MEIS1: variants seen among roughly 807,000 people sequenced by gnomAD.
MEIS1 encodes Meis homeobox 1.
In MEIS1, 5 loss-of-function variants were observed where a neutral mutation model predicts 50.8. The ratio of observed to expected loss-of-function variants is 0.10; its 90% CI spans 0.05 to 0.21. The LOEUF is 0.21. Among genes scored for constraint, MEIS1 ranks in the 10% least tolerant of loss-of-function variants. The pLI is 1.00. For missense variants in MEIS1, 318 were observed against 517.3 expected, an observed-to-expected ratio of 0.61 and a Z score of 3.74; for synonymous variants, 176 against 179.3, an observed-to-expected ratio of 0.98 and a Z score of 0.15.
In MEIS1 at chr2:66,569,082, A is replaced by G; in HGVS notation, c.1147A>G (p.Met383Val). The change falls in exon 12 of 13, where the codon ATG (methionine) becomes GTG (valine). Residue 383 changes from methionine to valine, a missense_variant. By Grantham distance (21) the Met-to-Val change is conservative. Transcript: ENST00000272369. ...PMSGMGMNMGMEGQWHYM is the reference protein window; with the variant it reads ...PMSGMGMNMGVEGQWHYM ...GAGTGGAATGGGCATGAATATGGGC[A>G]TGGAGGGGCAGTGGCACTACATGTA... 1.2e-6 allele frequency: 2 copies of G among 1,613,782 alleles called. No homozygotes were observed. The highest frequency in any genetic ancestry group is 1.7e-6 in the Non-Finnish European group (2 of 1,179,822).
intron 6 of MEIS1, chr2:66,443,304 T>C: frequency 2.2e-6 from 1 of 450,152 alleles, no homozygotes; most frequent in South Asian, 3.4e-5. Context: ...GCTTTTAATT[T>C]TTGTCTTTAT....
intron 6 of MEIS1, among the ~76,000 whole-genome samples, chr2:66,458,349 A>C (rs1672442748): frequency 6.6e-6 from 1 of 152,168 alleles, no homozygotes; most frequent in Non-Finnish European, 1.5e-5. Context: ...GGTGAAAATA[A>C]GATCAGTTTG....
intron 7 of MEIS1, among the ~76,000 whole-genome samples, chr2:66,511,450 A>G (rs1354756417): frequency 6.6e-6 from 1 of 152,118 alleles, no homozygotes. Context: ...AATTTTAGAA[A>G]CTGCCTGAAT....
chr2:66,535,899 G>A (rs536713070), intron 8 of MEIS1, among the ~76,000 whole-genome samples: 1 of 152,190 alleles, frequency 6.6e-6, no homozygotes, highest in African/African-American at 2.4e-5. Context: ...AAACTGAAGT[G>A]CATGGTGCAC....
intron 8 of MEIS1, among the ~76,000 whole-genome samples, chr2:66,522,840 G>C (rs1271567152): frequency 6.6e-6 from 1 of 152,210 alleles, no homozygotes; most frequent in African/African-American, 2.4e-5. Context: ...TGACCGCATA[G>C]GAAGTAGCTG....
At chr2:66,542,227 T>G (rs990550226) in intron 8 of MEIS1, among the ~76,000 whole-genome samples, 1 of 152,124 alleles carries the variant, frequency 6.6e-6, no homozygotes, top group Admixed American at 6.5e-5. Context: ...TGACAAAAAC[T>G]CAGTAGAAGT....
At chr2:66,564,878 CT>C (rs976187194) in intron 9 of MEIS1, among the ~76,000 whole-genome samples, 3 of 151,870 alleles carry the variant, frequency 2.0e-5, no homozygotes, top group African/African-American at 7.3e-5. Flanking sequence ...CCCCCTCCCC[CT>C]GTAATTGTTG....
At chr2:66,546,905 A>C (rs185573868) in intron 8 of MEIS1, among the ~76,000 whole-genome samples, 1 of 152,282 alleles carries the variant, frequency 6.6e-6, no homozygotes, top group East Asian at 1.9e-4. Context: ...ATTAAAAGCT[A>C]TGTCAATTAG....
intron 1 of MEIS1, among the ~76,000 whole-genome samples, chr2:66,436,322 A>AT (rs1424705718): frequency 6.6e-6 from 1 of 152,306 alleles, no homozygotes; most frequent in South Asian, 2.1e-4. Flanking sequence ...AGTATAGCCA[A>AT]TTTTTTGGTC....
rs397954474 is a variant in MEIS1 at position 66,556,060 on chromosome 2, CA to C, written c.965+8050del. 2.3e-3 allele frequency among the ~76,000 whole-genome samples: 348 copies of C among 150,298 alleles called. 1 individual carries two copies. The highest frequency in any genetic ancestry group is 7.8e-3 in the African/African-American group (318 of 40,980). ...GGAAAGAGGACATACAAAACAAAAA[CA>C]AAAAAAAACCTACAACAACATGGAT... On this transcript the variant is annotated intron_variant, in intron 9 of 12. Transcript: ENST00000272369.
At chr2:66,460,254 A>T (rs904659102) in intron 6 of MEIS1, among the ~76,000 whole-genome samples, 1 of 152,122 alleles carries the variant, frequency 6.6e-6, no homozygotes, top group Non-Finnish European at 1.5e-5. Context: ...AGGAAAGGAG[A>T]AGACAGAGAA....
intron 4 of MEIS1, 69 bp from the exon 5 acceptor site, chr2:66,441,345 G>T (rs2103685292): frequency 7.1e-7 from 1 of 1,399,670 alleles, no homozygotes; most frequent in South Asian, 1.4e-5. Context: ...GGCTGGAGAT[G>T]GTAGAGCTGT....
At chr2:66,495,080 C>CTTTTTTTTTTTTT (rs70943701) in intron 7 of MEIS1, among the ~76,000 whole-genome samples, 1 of 91,492 alleles carries the variant, frequency 1.1e-5, no homozygotes. Context: ...CTCTTCTGAC[C>CTTTTTTTTTTTTT]TTTTTTTTTT....
At chr2:66,461,683 T>A (rs1672521831) in intron 6 of MEIS1, 2 of 310,194 alleles carry the variant, frequency 6.4e-6, no homozygotes, top group Non-Finnish European at 1.3e-5. Context: ...TAAACTGAGG[T>A]GGAATCCAAC....
At chr2:66,487,151 G>T (rs1673162634) in intron 7 of MEIS1, among the ~76,000 whole-genome samples, 1 of 152,164 alleles carries the variant, frequency 6.6e-6, no homozygotes, top group South Asian at 2.1e-4. Context: ...AGTGGTGAGA[G>T]AGGGCATCCT....
chr2:66,495,830 G>A (rs1673388933), intron 7 of MEIS1, among the ~76,000 whole-genome samples: 1 of 152,184 alleles, frequency 6.6e-6, no homozygotes. Context: ...CGCTGTGCAG[G>A]CAGCTGGGTG....
intron 8 of MEIS1, among the ~76,000 whole-genome samples, chr2:66,536,878 TTCTC>T (rs147183784): frequency 2.7e-5 from 4 of 150,486 alleles, no homozygotes; most frequent in Admixed American, 1.3e-4. Context: ...TTAAAGTGCA[TTCTC>T]TCTCTCTCTC....
intron 7 of MEIS1, among the ~76,000 whole-genome samples, chr2:66,485,428 A>G (rs1046547675): frequency 6.6e-6 from 1 of 152,236 alleles, no homozygotes; most frequent in Admixed American, 6.5e-5. Context: ...TGCGAAGGAC[A>G]TGAACTCATC....
chr2:66,498,493 C>T (rs1673465543), intron 7 of MEIS1, among the ~76,000 whole-genome samples: 1 of 152,088 alleles, frequency 6.6e-6, no homozygotes, highest in Non-Finnish European at 1.5e-5. Context: ...AGGTATTATA[C>T]AGGTTGAGGA....
Sources: gnomAD v4.1 joint callset for allele counts (sites outside exome capture counted in the v4.1 genomes callset) on GRCh38, gnomAD v4.1.1 for gene constraint, MANE v1.5 for transcripts, NCBI Gene and HGNC (gene_info 2026-07-23, HGNC 2026-07-21) for gene names.